The following ZBBX variants were observed in gnomAD, a reference collection of about 807,000 sequenced individuals.
The protein encoded by ZBBX is zinc finger B-box domain containing, also known as zinc finger B-box domain-containing protein 1.
ZBBX carries 101 observed loss-of-function variants against 108.5 expected under a neutral mutation model. The observed-to-expected ratio is 0.93, with a 90% confidence interval of 0.79 to 1.10. The LOEUF is 1.10. Among genes scored for constraint, ZBBX ranks in the 50% least tolerant of loss-of-function variants. ZBBX has a pLI of 0.00. For missense variants in ZBBX, 1,009 were observed against 941.4 expected (o/e 1.07, Z -0.94); for synonymous variants, 356 against 323.4 (o/e 1.10, Z -1.08).
chr3:167,233,006 C>G, the ZBBX span, among the ~76,000 whole-genome samples: 1 of 151,766 alleles, frequency 6.6e-6, no homozygotes, highest in Non-Finnish European at 1.5e-5. Flanking sequence ...CCTTAATGTC[C>G]CTTTCCTCAC....
Position 167,313,985 on chromosome 3 carries a change from T to G in ZBBX, c.1406A>C (p.Asp469Ala). The change falls in exon 16 of 22, where the codon GAT becomes GCT. Residue 469 changes from aspartate (D) to alanine (A), a missense_variant. By Grantham distance (126) the Asp-to-Ala change is moderately radical. Coordinates refer to ENST00000675490, the MANE Select transcript of ZBBX (RefSeq NM_001199201.2). The part of the protein sequence containing the change: ...CLRNSSTYYK[D>A]NSKAETSNTD... ...AAGAAAAATGTTACCTTTTGAATTATCTTTATAATAAGTAGAGCTGTTTCT... is the reference window on the plus strand; with the variant it reads ...AAGAAAAATGTTACCTTTTGAATTAGCTTTATAATAAGTAGAGCTGTTTCT... 6.3e-7 allele frequency: 1 copy of G among 1,585,476 alleles called. No homozygotes were observed. Among genetic ancestry groups the G allele is most frequent in the South Asian group, 1.2e-5 (1 of 84,754 alleles).
chr3:167,271,833 C>T (rs561155437), intron 20 of ZBBX, among the ~76,000 whole-genome samples: 1 of 152,290 alleles, frequency 6.6e-6, no homozygotes, highest in East Asian at 1.9e-4. Context: ...AATAGTAGAT[C>T]ACCTCACTCA....
At chr3:167,327,659 G>A (rs1320388768) in intron 11 of ZBBX, among the ~76,000 whole-genome samples, 2 of 152,104 alleles carry the variant, frequency 1.3e-5, no homozygotes, top group African/African-American at 4.8e-5. Context: ...GCTCATGTCT[G>A]TAATCCCAGC....
chr3:167,288,955 G>C lies in ZBBX; in HGVS notation c.1908C>G (p.Ser636Arg). The C allele has an allele frequency of 1.3e-6, 2 of 1,540,900 alleles. No homozygotes were observed. Among genetic ancestry groups the C allele is most frequent in the East Asian group, 2.5e-5 (1 of 40,784 alleles). ...AEDREWIPDH[S>R]LSEYADNAIV... Reference sequence around the variant, plus strand: ...TTGCATTATCAGCATATTCACTTAAGCTATGGTCTGGAATCCATTCTCTGT... The same window carrying C: ...TTGCATTATCAGCATATTCACTTAACCTATGGTCTGGAATCCATTCTCTGT... The change falls in exon 19 of 22, where the codon AGC (serine) becomes AGG (arginine). Residue 636 changes from serine (S) to arginine (R), a missense_variant. Ser to Arg is a moderately radical substitution (Grantham distance 110). Coordinates refer to ENST00000675490, the MANE Select transcript of ZBBX (RefSeq NM_001199201.2).
At chr3:167,254,630 A>T (rs1281661780) in intron 20 of ZBBX, among the ~76,000 whole-genome samples, 2 of 152,168 alleles carry the variant, frequency 1.3e-5, no homozygotes, top group African/African-American at 4.8e-5. Flanking sequence ...AGACGCCAAC[A>T]TAAAGAAAAT....
chr3:167,322,101 T>C lies in ZBBX; in HGVS notation c.983+16A>G. The C allele has an allele frequency of 8.2e-7, 1 of 1,218,074 alleles. No individual in the cohort carries two copies. The highest frequency in any genetic ancestry group is 1.1e-6 in the Non-Finnish European group (1 of 914,810). The allele number at this position is 1,218,074 out of a possible 1,614,324, so 75.5% of individuals were successfully genotyped here. ...ACTTTCATATTTCCTAATAGTATTA[T>C]AATTTCAGAAAATACCTCCTGTGTT... is the stretch of plus-strand genomic sequence containing the variant. On this transcript the variant is annotated intron_variant, in intron 12 of 21. Transcript: ENST00000675490.
chr3:167,347,161 C>T (rs773305541), intron 9 of ZBBX, among the ~76,000 whole-genome samples: 3 of 151,734 alleles, frequency 2.0e-5, no homozygotes, highest in Admixed American at 6.6e-5. Flanking sequence ...GGAGGGAGTA[C>T]GTAGTACAAT....
the ZBBX span, among the ~76,000 whole-genome samples, chr3:167,214,435 CCTAA>C: frequency 6.6e-6 from 1 of 152,136 alleles, no homozygotes. Context: ...TTCAACAAGA[CCTAA>C]CTAATTTAAA....
intron 20 of ZBBX, among the ~76,000 whole-genome samples, chr3:167,248,028 C>T (rs1287716495): frequency 1.3e-5 from 2 of 152,150 alleles, no homozygotes; most frequent in Non-Finnish European, 2.9e-5. Context: ...GGCAATGTTA[C>T]TAAGTAAAAC....
At chr3:167,199,321 T>A in the ZBBX span, among the ~76,000 whole-genome samples, 8 of 152,200 alleles carry the variant, frequency 5.3e-5, no homozygotes, top group Non-Finnish European at 1.5e-5. Flanking sequence ...CATCTGGCCC[T>A]ATTTTGTCAA....
intron 18 of ZBBX, among the ~76,000 whole-genome samples, chr3:167,294,753 C>G (rs183933987): frequency 2.1e-3 from 317 of 152,212 alleles, no homozygotes; most frequent in Admixed American, 4.3e-3. Flanking sequence ...TCAGAGTGAA[C>G]AGACAACCTA....
At position 167,247,942 on chromosome 3, in the gene ZBBX, G is replaced by A. The variant is rs542829035; in HGVS notation, c.2255-5299C>T. ...CAGCCAGTCAAAATTCCCAGACTTC[G>A]TATCTTTTCTCTCATATGGTTTGAA... On this transcript the variant is annotated intron_variant, in intron 20 of 21. Coordinates refer to ENST00000675490, the MANE Select transcript of ZBBX (RefSeq NM_001199201.2). 5.0e-4 allele frequency among the ~76,000 whole-genome samples: 76 copies of A among 152,202 alleles called. 1 individual carries two copies. In the Middle Eastern group the frequency reaches 0.01, roughly 20 times the overall value.
chr3:167,309,995 T>G (rs1734308310), intron 16 of ZBBX, among the ~76,000 whole-genome samples: 2 of 152,190 alleles, frequency 1.3e-5, no homozygotes, highest in Admixed American at 1.3e-4. Context: ...ACTATATGCT[T>G]TTTGAAACAG....
intron 9 of ZBBX, among the ~76,000 whole-genome samples, chr3:167,346,781 A>G (rs908265429): frequency 5.3e-5 from 8 of 151,888 alleles, no homozygotes; most frequent in Admixed American, 6.6e-5. Flanking sequence ...TCAAAGCCAA[A>G]GCACAACAAC....
At chr3:167,274,304 G>A (rs1727083806) in intron 20 of ZBBX, among the ~76,000 whole-genome samples, 1 of 152,184 alleles carries the variant, frequency 6.6e-6, no homozygotes, top group Admixed American at 6.5e-5. Context: ...CATGATAGGT[G>A]TGCTTATTCT....
chr3:167,353,644 T>C (rs1332467651), intron 8 of ZBBX, among the ~76,000 whole-genome samples: 2 of 151,904 alleles, frequency 1.3e-5, no homozygotes, highest in African/African-American at 4.8e-5. Flanking sequence ...ACCAACTAAA[T>C]CTATAAAAAT....
rs545553656 is a variant in ZBBX, at chr3:167,327,052, T to C, written c.862+890A>G. Among the ~76,000 whole-genome samples, 8 of 151,840 alleles carry C rather than the reference T, an allele frequency of 5.3e-5. No homozygotes were observed. In the South Asian group the frequency reaches 1.5e-3, roughly 28 times the overall value. ...ATAAATTGAATACTTTTAAAACTTATGGTTTTCCTCAAGACATACTGGGAA... is the reference window on the plus strand; with the variant it reads ...ATAAATTGAATACTTTTAAAACTTACGGTTTTCCTCAAGACATACTGGGAA... On this transcript the variant is annotated intron_variant, in intron 11 of 21. Coordinates refer to ENST00000675490, the MANE Select transcript of ZBBX (RefSeq NM_001199201.2).
chr3:167,336,066 G>A (rs539143824), intron 9 of ZBBX, among the ~76,000 whole-genome samples: 106 of 151,350 alleles, frequency 7.0e-4, no homozygotes, highest in African/African-American at 2.4e-3. Context: ...TTCCATGTTT[G>A]GTTTTCATTT....
At chr3:167,353,427 G>C (rs1742999069) in intron 8 of ZBBX, among the ~76,000 whole-genome samples, 1 of 152,008 alleles carries the variant, frequency 6.6e-6, no homozygotes, top group Non-Finnish European at 1.5e-5. Context: ...CTTGTAAGTG[G>C]GAGAGCTAAA....
Sources: gnomAD v4.1 joint callset for allele counts (sites outside exome capture counted in the v4.1 genomes callset) on GRCh38, gnomAD v4.1.1 for gene constraint, MANE v1.5 for transcripts, NCBI Gene and HGNC (gene_info 2026-07-23, HGNC 2026-07-21) for gene names.